CTNND2: variants seen among roughly 807,000 people sequenced by gnomAD.
CTNND2 encodes the protein catenin delta 2, also known as catenin delta-2.
A neutral mutation model predicts 144.4 loss-of-function variants in CTNND2; 22 were observed. That is an observed-to-expected ratio of 0.15 (90% CI 0.11 to 0.22). CTNND2 has a LOEUF of 0.22. Ranked by LOEUF, CTNND2 falls within the 10% of genes least tolerant of loss-of-function variation. CTNND2 has a pLI of 1.00. For missense variants in CTNND2, 1,353 were observed against 1,618.8 expected, an observed-to-expected ratio of 0.84 and a Z score of 2.82; for synonymous variants, 751 against 695.6, an observed-to-expected ratio of 1.08 and a Z score of -1.25.
intron 3 of CTNND2, among the ~76,000 whole-genome samples, chr5:11,507,989 T>C (rs903270126): frequency 4.1e-5 from 1 of 24,138 alleles, no homozygotes; most frequent in Non-Finnish European, 7.9e-5. Flanking sequence ...AGAAATGGAT[T>C]TTTTTTTTTT....
At chr5:11,699,942 G>A (rs1314918693) in intron 2 of CTNND2, among the ~76,000 whole-genome samples, 1 of 152,182 alleles carries the variant, frequency 6.6e-6, no homozygotes, top group African/African-American at 2.4e-5. Flanking sequence ...GAGGGAGTCG[G>A]ATACTTGGTA....
intron 9 of CTNND2, among the ~76,000 whole-genome samples, chr5:11,320,238 G>A (rs897341448): frequency 6.6e-5 from 10 of 152,268 alleles, no homozygotes; most frequent in Non-Finnish European, 1.5e-4. Context: ...TGTAAATGTG[G>A]TTGGCAGGTT....
intron 7 of CTNND2, among the ~76,000 whole-genome samples, chr5:11,376,011 T>A (rs926199262): frequency 9.9e-5 from 15 of 151,888 alleles, no homozygotes; most frequent in Non-Finnish European, 1.9e-4. Context: ...AGGGTGGACA[T>A]GTCATGAGTG....
chr5:11,317,477 C>T (rs1392325374), intron 9 of CTNND2, among the ~76,000 whole-genome samples: 1 of 152,158 alleles, frequency 6.6e-6, no homozygotes, highest in East Asian at 1.9e-4. Context: ...TAATAAACTC[C>T]CAATTATCCA....
chr5:11,010,623 C>T (rs1043593527), intron 18 of CTNND2, among the ~76,000 whole-genome samples: 1 of 152,246 alleles, frequency 6.6e-6, no homozygotes. Flanking sequence ...TGACAAAAGG[C>T]TGTATTCACT....
chr5:11,371,395 A>G (rs1011628576), intron 7 of CTNND2, among the ~76,000 whole-genome samples: 3 of 152,222 alleles, frequency 2.0e-5, no homozygotes, highest in Non-Finnish European at 2.9e-5. Context: ...AGGTGCAAAT[A>G]TTACATCTTA....
intron 2 of CTNND2, among the ~76,000 whole-genome samples, chr5:11,651,955 C>T (rs1782666364): frequency 1.3e-5 from 2 of 152,110 alleles, no homozygotes; most frequent in African/African-American, 4.8e-5. Flanking sequence ...GGACCGTGAA[C>T]TTCTGAGTTA....
intron 3 of CTNND2, among the ~76,000 whole-genome samples, chr5:11,425,718 TC>T (rs1434111934): frequency 6.6e-6 from 1 of 152,198 alleles, no homozygotes. Flanking sequence ...GGAAACCCAC[TC>T]CCCTTAACTG....
chr5:11,483,810 G>C (rs1768523210), intron 3 of CTNND2, among the ~76,000 whole-genome samples: 1 of 152,188 alleles, frequency 6.6e-6, no homozygotes, highest in Non-Finnish European at 1.5e-5. Flanking sequence ...GAACTCCCAG[G>C]AGTATACTGG....
chr5:11,310,950 T>C (rs879901555), intron 9 of CTNND2, among the ~76,000 whole-genome samples: 182 of 93,036 alleles, frequency 2.0e-3, no homozygotes, highest in Middle Eastern at 0.01. Context: ...TCACACTCCC[T>C]ATGCACCCTC....
At chr5:11,485,949 T>C (rs1381175022) in intron 3 of CTNND2, among the ~76,000 whole-genome samples, 1 of 152,030 alleles carries the variant, frequency 6.6e-6, no homozygotes, top group Non-Finnish European at 1.5e-5. Context: ...CAACTTAAAA[T>C]ACAAAAGGAG....
At chr5:11,648,892 C>T (rs1369847406) in intron 2 of CTNND2, among the ~76,000 whole-genome samples, 1 of 152,144 alleles carries the variant, frequency 6.6e-6, no homozygotes, top group African/African-American at 2.4e-5. Context: ...AATCTGATTT[C>T]ATATTTTATT....
At chr5:11,026,664 C>A (rs1742864266) in intron 16 of CTNND2, among the ~76,000 whole-genome samples, 1 of 152,024 alleles carries the variant, frequency 6.6e-6, no homozygotes, top group Non-Finnish European at 1.5e-5. Context: ...GCTGACTCTA[C>A]CTTCTAGATT....
chr5:11,639,610 G>A (rs1781889097), intron 2 of CTNND2, among the ~76,000 whole-genome samples: 1 of 152,112 alleles, frequency 6.6e-6, no homozygotes, highest in African/African-American at 2.4e-5. Flanking sequence ...AGTAAATACG[G>A]AAAATTCTGG....
At chr5:11,226,471 A>T (rs1355545438) in intron 10 of CTNND2, among the ~76,000 whole-genome samples, 1 of 152,218 alleles carries the variant, frequency 6.6e-6, no homozygotes, top group Non-Finnish European at 1.5e-5. Flanking sequence ...AGACTAGATA[A>T]TTTATAAAGG....
chr5:11,301,933 C>G (rs1361370766), intron 9 of CTNND2, among the ~76,000 whole-genome samples: 2 of 152,104 alleles, frequency 1.3e-5, no homozygotes, highest in Non-Finnish European at 2.9e-5. Flanking sequence ...CCATGACTTT[C>G]TCGGACTGAG....
intron 3 of CTNND2, among the ~76,000 whole-genome samples, chr5:11,479,650 G>A (rs750850489): frequency 3.9e-5 from 6 of 151,960 alleles, no homozygotes; most frequent in Non-Finnish European, 7.4e-5. Context: ...TATGAAACCT[G>A]ACCAGCATCT....
At chr5:11,577,553 T>C (rs571475373) in intron 2 of CTNND2, among the ~76,000 whole-genome samples, 1 of 152,308 alleles carries the variant, frequency 6.6e-6, no homozygotes, top group Admixed American at 6.5e-5. Context: ...AGGGATGTCA[T>C]TCCAGGCTCA....
chr5:10,989,220 G>A (rs1429263124), intron 19 of CTNND2, among the ~76,000 whole-genome samples: 1 of 152,192 alleles, frequency 6.6e-6, no homozygotes, highest in Non-Finnish European at 1.5e-5. Flanking sequence ...CTGGGTGAGG[G>A]GGCAGCTGGT....
Sources: allele counts gnomAD v4.1 joint callset (sites outside exome capture counted in the v4.1 genomes callset), GRCh38; gene constraint gnomAD v4.1.1; transcripts MANE v1.5; gene names NCBI Gene and HGNC (gene_info 2026-07-23, HGNC 2026-07-21).